DNAJB12: variants seen among roughly 807,000 people sequenced by gnomAD.
The protein encoded by DNAJB12 is DnaJ heat shock protein family (Hsp40) member B12.
Under a neutral mutation model 40.6 loss-of-function variants are expected in DNAJB12, and 14 were observed. That is an observed-to-expected ratio of 0.34 (90% CI 0.23 to 0.54). The LOEUF (loss-of-function observed/expected upper bound fraction) is 0.54. Ranked by LOEUF, DNAJB12 falls within the 20% of genes least tolerant of loss-of-function variation. DNAJB12 has a pLI of 0.92. For synonymous variants in DNAJB12, 181 were observed against 199.5 expected, an observed-to-expected ratio of 0.91 and a Z score of 0.78; for missense variants, 444 against 501.7, an observed-to-expected ratio of 0.89 and a Z score of 1.10.
rs114123706 is a variant in DNAJB12, at chr10:72,344,816, G to T, written c.311+134C>A. The T allele has an allele frequency of 1.8e-3, 1,848 of 1,033,794 alleles. 24 individuals are homozygous for T. The African/African-American group carries it at 0.025, about 14-fold the overall frequency. 64.0% of individuals were successfully genotyped at this position (1,033,794 alleles called of 1,614,324 possible). A position where few individuals can be genotyped will look rare whatever the true frequency, so the allele number is the denominator to read the frequency against. ...AGGTCCTGGTGAGCCTGGACCCTTG[G>T]ACCTTCTCCATCCTCCAAGACCCTC... On this transcript the variant is annotated intron_variant, in intron 2 of 8. Coordinates refer to ENST00000444643, the MANE Select transcript of DNAJB12 (RefSeq NM_017626.7).
intron 1 of DNAJB12, among the ~76,000 whole-genome samples, chr10:72,347,161 A>G (rs142327618): frequency 0.046 from 7,034 of 151,936 alleles, 239 homozygotes; most frequent in African/African-American, 0.1. Context: ...AGGTTTCACC[A>G]TGTTGGCCAG....
intron 2 of DNAJB12, 26 bp from the exon 3 acceptor site, chr10:72,343,537 G>T (rs1413837209): frequency 6.2e-7 from 1 of 1,613,444 alleles, no homozygotes; most frequent in South Asian, 1.1e-5. Flanking sequence ...ACCATGGTAC[G>T]GGGTGCTCTA....
intron 5 of DNAJB12, among the ~76,000 whole-genome samples, chr10:72,339,912 T>C (rs1469672042): frequency 6.7e-6 from 1 of 149,340 alleles, no homozygotes; most frequent in Non-Finnish European, 1.5e-5. Context: ...GGTTTCACCA[T>C]GTTGGCCAGA....
intron 5 of DNAJB12, 129 bp downstream of exon 5, chr10:72,340,658 TGG>T: frequency 1.1e-6 from 1 of 912,766 alleles, no homozygotes; most frequent in Non-Finnish European, 1.7e-6. Flanking sequence ...GAGGGCTCCT[TGG>T]CTGAGAGTTA....
In DNAJB12 at chr10:72,333,818, T is replaced by G. The variant is rs1252108439; in HGVS notation, c.*830A>C. 3 of 152,866 alleles carry G rather than the reference T, an allele frequency of 2.0e-5. No individual in the cohort carries two copies. The highest frequency in any genetic ancestry group is 1.3e-4 in the Admixed American group (2 of 15,306). The allele number at this position is 152,866 out of a possible 1,614,324, so 9.5% of individuals were successfully genotyped here. Reference sequence around the variant, plus strand: ...AAGCAGGTCCTTGTGGGGCCTCTACTGTGACTCAATACTGACCTGGCACCT... The same window carrying G: ...AAGCAGGTCCTTGTGGGGCCTCTACGGTGACTCAATACTGACCTGGCACCT... On this transcript the variant is annotated 3_prime_UTR_variant, in exon 9 of 9. Coordinates refer to ENST00000444643, the MANE Select transcript of DNAJB12 (RefSeq NM_017626.7).
At position 72,338,190 on chromosome 10, in the gene DNAJB12, C is replaced by T. The variant is rs1435055361; in HGVS notation, c.833+12G>A. The T allele has an allele frequency of 1.9e-6, 3 of 1,612,316 alleles. No homozygotes were observed. The highest frequency in any genetic ancestry group is 1.3e-5 in the African/African-American group (1 of 74,976). ...TTGTCTGCCCATGGCCCGGCCTCACCCATGTACTCACGGTCTTGGACTCAG... is the reference window on the plus strand; with the variant it reads ...TTGTCTGCCCATGGCCCGGCCTCACTCATGTACTCACGGTCTTGGACTCAG... On this transcript the variant is annotated intron_variant, in intron 6 of 8. Transcript: ENST00000444643.
rs771510268 is a variant in DNAJB12 at position 72,345,049 on chromosome 10, T to C, written c.212A>G (p.His71Arg). Residue 71 changes from histidine (H) to arginine (R), a missense_variant, in exon 2 of 9, where the codon CAC becomes CGC. By Grantham distance (29) the His-to-Arg change is conservative. Coordinates refer to ENST00000444643, the MANE Select transcript of DNAJB12 (RefSeq NM_017626.7). ...GGCATCGGTCCCACCTGCTTTCCTG[T>C]GGGTGGCATGGGTTGTGTCTGTGGG... Reference protein sequence around the residue: ...PPPTDTTHATHRKAGGTDAPS... With the variant: ...PPPTDTTHATRRKAGGTDAPS... 1.2e-6 allele frequency: 2 copies of C among 1,614,100 alleles called. No individual in the cohort carries two copies. Among genetic ancestry groups the C allele is most frequent in the African/African-American group, 2.7e-5 (2 of 74,954 alleles).
intron 8 of DNAJB12, chr10:72,334,846 G>A: frequency 7.4e-7 from 1 of 1,345,436 alleles, no homozygotes; most frequent in Non-Finnish European, 9.5e-7. Context: ...ACAGGCAAAG[G>A]AGGGGGTGGG....
At chr10:72,342,138 T>C (rs1020078424) in intron 3 of DNAJB12, among the ~76,000 whole-genome samples, 1 of 152,180 alleles carries the variant, frequency 6.6e-6, no homozygotes, top group African/African-American at 2.4e-5. Context: ...CCTCCACTTC[T>C]GGTGATGCAG....
chr10:72,338,412 A>G (rs928882765), intron 5 of DNAJB12, 101 bp from the exon 6 acceptor site: 5 of 915,968 alleles, frequency 5.5e-6, no homozygotes, highest in Admixed American at 2.1e-5. Context: ...CTGGGGAGAC[A>G]TGACACCACT....
In DNAJB12 at chr10:72,343,513, T is replaced by TG; in HGVS notation, c.312-3dup. On this transcript the variant is annotated splice_region_variant and splice_polypyrimidine_tract_variant and intron_variant, in intron 2 of 8. Transcript: ENST00000444643. ...TAGTAATCTTTACATTGCTTGACCCTGGGGAAGGAGGAGACCATGGTACGG... is the reference window on the plus strand; with the variant it reads ...TAGTAATCTTTACATTGCTTGACCCTGGGGGAAGGAGGAGACCATGGTACGG... 1 of 1,614,002 alleles carries TG rather than the reference T, an allele frequency of 6.2e-7. No homozygotes were observed. The highest frequency in any genetic ancestry group is 8.5e-7 in the Non-Finnish European group (1 of 1,179,960).
chr10:72,347,900 G>A (rs1326214418), intron 1 of DNAJB12, among the ~76,000 whole-genome samples: 1 of 145,246 alleles, frequency 6.9e-6, no homozygotes. Flanking sequence ...GCAATAGAAT[G>A]AGACTCTGTC....
In DNAJB12 at chr10:72,341,054, G is replaced by A. The variant is rs759934125; in HGVS notation, c.574C>T (p.Arg192Cys). ...GGGGAGATGTCGGCCTCAAAGCCAC[G>A]GTGGAAATCCCCATGCCCATGGCCG... ...RHGHGHGDFH[R>C]GFEADISPED... Residue 192 changes from arginine to cysteine, a missense_variant, in exon 4 of 9, where the codon CGT becomes TGT. Transcript: ENST00000444643. 3.1e-6 allele frequency: 5 copies of A among 1,614,058 alleles called. No individual in the cohort carries two copies. The highest frequency in any genetic ancestry group is 2.2e-5 in the East Asian group (1 of 44,888).
intron 1 of DNAJB12, among the ~76,000 whole-genome samples, chr10:72,345,569 C>CAAA (rs34465078): frequency 3.3e-5 from 3 of 92,292 alleles, no homozygotes; most frequent in African/African-American, 3.8e-5. Flanking sequence ...GACCCTGTCT[C>CAAA]AAAAAAAAAA....
rs1861400945 is a variant in DNAJB12, at chr10:72,334,221, C to T, written c.*427G>A. ...CTATGGAGAGTTCTCTTTCTTCCTC[C>T]TATCTTTGGCCAGGGCCTCTGGCTT... is the stretch of plus-strand genomic sequence containing the variant. On this transcript the variant is annotated 3_prime_UTR_variant, in exon 9 of 9. Coordinates refer to ENST00000444643, the MANE Select transcript of DNAJB12 (RefSeq NM_017626.7). 3.0e-6 allele frequency: 1 copy of T among 333,152 alleles called. No individual in the cohort carries two copies. Among genetic ancestry groups the T allele is most frequent in the Admixed American group, 4.8e-5 (1 of 20,906 alleles). 20.6% of individuals were successfully genotyped at this position (333,152 alleles called of 1,614,324 possible). A position where few individuals can be genotyped will look rare whatever the true frequency, so the allele number is the denominator to read the frequency against.
intron 1 of DNAJB12, among the ~76,000 whole-genome samples, chr10:72,351,930 G>A (rs993190299): frequency 6.6e-6 from 1 of 152,152 alleles, no homozygotes; most frequent in Non-Finnish European, 1.5e-5. Context: ...GGTCACAGGG[G>A]CTTCAATTCT....
intron 1 of DNAJB12, among the ~76,000 whole-genome samples, chr10:72,345,891 C>T (rs1191108764): frequency 8.7e-6 from 1 of 114,322 alleles, no homozygotes; most frequent in African/African-American, 3.6e-5. Flanking sequence ...AAGGATCTGT[C>T]TCAAAAAAAA....
In DNAJB12 at chr10:72,338,194, G is replaced by T; in HGVS notation, c.833+8C>A. On this transcript the variant is annotated splice_region_variant and intron_variant, in intron 6 of 8. Coordinates refer to ENST00000444643, the MANE Select transcript of DNAJB12 (RefSeq NM_017626.7). ...CTGCCCATGGCCCGGCCTCACCCAT[G>T]TACTCACGGTCTTGGACTCAGACTG... The T allele has an allele frequency of 6.2e-7, 1 of 1,612,534 alleles. No individual in the cohort carries two copies. Among genetic ancestry groups the T allele is most frequent in the Non-Finnish European group, 8.5e-7 (1 of 1,178,594 alleles).
At chr10:72,353,829 G>A (rs1861993898) in intron 1 of DNAJB12, 1 of 152,188 alleles carries the variant, frequency 6.6e-6, no homozygotes, top group Admixed American at 6.5e-5. Flanking sequence ...GGATGAGACT[G>A]GGCCCTTCGG....
Sources: gnomAD v4.1 joint callset for allele counts (sites outside exome capture counted in the v4.1 genomes callset) on GRCh38, gnomAD v4.1.1 for gene constraint, MANE v1.5 for transcripts, NCBI Gene and HGNC (gene_info 2026-07-23, HGNC 2026-07-21) for gene names.